Variants in SPATS2 observed in about 807,000 individuals in gnomAD.
The protein encoded by SPATS2 is spermatogenesis associated serine rich 2.
A neutral mutation model predicts 63.7 loss-of-function variants in SPATS2; 38 were observed. The ratio of observed to expected loss-of-function variants is 0.60; its 90% CI spans 0.46 to 0.78. The LOEUF (loss-of-function observed/expected upper bound fraction) is 0.78, where lower values mean the gene tolerates loss of function less well. Ranked by LOEUF, SPATS2 falls within the 30% of genes least tolerant of loss-of-function variation. The probability of loss-of-function intolerance (pLI) is 0.00; values close to 1 mark genes in which losing one functional copy is unlikely to be tolerated. For missense variants in SPATS2, 588 were observed against 666.2 expected, an observed-to-expected ratio of 0.88 and a Z score of 1.29; for synonymous variants, 207 against 232.9, an observed-to-expected ratio of 0.89 and a Z score of 1.01.
chr12:49,445,120 C>T (rs945697790), intron 2 of SPATS2, among the ~76,000 whole-genome samples: 1 of 152,100 alleles, frequency 6.6e-6, no homozygotes, highest in African/African-American at 2.4e-5. Context: ...CCTTATTGCA[C>T]TGACAAGATC....
chr12:49,394,073 A>C (rs915250330), intron 2 of SPATS2, among the ~76,000 whole-genome samples: 1 of 151,896 alleles, frequency 6.6e-6, no homozygotes, highest in Non-Finnish European at 1.5e-5. Context: ...CTGGGCTGGG[A>C]GTGGTGGCCC....
intron 3 of SPATS2, among the ~76,000 whole-genome samples, chr12:49,474,601 A>T (rs1330779707): frequency 6.6e-6 from 1 of 152,258 alleles, no homozygotes; most frequent in Non-Finnish European, 1.5e-5. Context: ...GCTATTATGT[A>T]TGAAATGAAA....
intron 2 of SPATS2, among the ~76,000 whole-genome samples, chr12:49,426,957 G>A (rs1473882312): frequency 6.6e-6 from 1 of 152,196 alleles, no homozygotes; most frequent in Non-Finnish European, 1.5e-5. Flanking sequence ...AAACATTCTT[G>A]TACATGTCTT....
At chr12:49,418,115 T>TG (rs1565711796) in intron 2 of SPATS2, among the ~76,000 whole-genome samples, 1 of 139,772 alleles carries the variant, frequency 7.2e-6, no homozygotes, top group Non-Finnish European at 1.5e-5. Context: ...TCAGTTTTTT[T>TG]TTTTTTTTTT....
At chr12:49,398,404 G>T (rs537687489) in intron 2 of SPATS2, among the ~76,000 whole-genome samples, 53 of 152,234 alleles carry the variant, frequency 3.5e-4, no homozygotes, top group South Asian at 2.7e-3. Context: ...CAGAATATTG[G>T]TGTACTCCAG....
chr12:49,411,416 GA>G (rs1944794846), intron 2 of SPATS2, among the ~76,000 whole-genome samples: 1 of 152,074 alleles, frequency 6.6e-6, no homozygotes, highest in Non-Finnish European at 1.5e-5. Flanking sequence ...AGACTTGATT[GA>G]AATGTGAAAT....
chr12:49,433,890 T>A (rs998372590), intron 2 of SPATS2, among the ~76,000 whole-genome samples: 4 of 152,226 alleles, frequency 2.6e-5, no homozygotes, highest in African/African-American at 4.8e-5. Flanking sequence ...CTTGTTTTCT[T>A]CTAGGAGTTT....
At chr12:49,450,483 A>G (rs968814550) in intron 2 of SPATS2, among the ~76,000 whole-genome samples, 1 of 151,474 alleles carries the variant, frequency 6.6e-6, no homozygotes, top group Non-Finnish European at 1.5e-5. Context: ...TGACCTCATG[A>G]TCCGCCCGCC....
At chr12:49,517,212 A>G (rs975196793) in intron 10 of SPATS2, among the ~76,000 whole-genome samples, 2 of 152,224 alleles carry the variant, frequency 1.3e-5, no homozygotes, top group African/African-American at 4.8e-5. Flanking sequence ...CTAAACCAAT[A>G]GATCATTTGT....
intron 2 of SPATS2, among the ~76,000 whole-genome samples, chr12:49,399,766 G>A (rs749574434): frequency 6.6e-6 from 1 of 152,172 alleles, no homozygotes; most frequent in Non-Finnish European, 1.5e-5. Context: ...GGCCAGGCGC[G>A]GTGGCTCATG....
intron 9 of SPATS2, among the ~76,000 whole-genome samples, chr12:49,501,919 G>A (rs1946573659): frequency 1.3e-5 from 2 of 151,958 alleles, no homozygotes; most frequent in Non-Finnish European, 2.9e-5. Flanking sequence ...GTGCCCAGCT[G>A]GTGTTAACAG....
At chr12:49,436,954 G>GA (rs1310129922) in intron 2 of SPATS2, among the ~76,000 whole-genome samples, 1 of 147,304 alleles carries the variant, frequency 6.8e-6, no homozygotes, top group Non-Finnish European at 1.5e-5. Flanking sequence ...TGGCCGGGCA[G>GA]GGGGCTAACC....
chr12:49,471,549 A>G (rs886748269), intron 3 of SPATS2, among the ~76,000 whole-genome samples: 1 of 152,126 alleles, frequency 6.6e-6, no homozygotes, highest in African/African-American at 2.4e-5. Context: ...CTAAGCAGGT[A>G]TCAAGTTTTA....
intron 3 of SPATS2, among the ~76,000 whole-genome samples, chr12:49,473,174 G>C (rs1378177637): frequency 6.6e-6 from 1 of 152,114 alleles, no homozygotes; most frequent in Non-Finnish European, 1.5e-5. Flanking sequence ...CAGCACTTTG[G>C]GAGGCCGAGA....
intron 2 of SPATS2, among the ~76,000 whole-genome samples, chr12:49,379,443 C>G (rs1177019896): frequency 7.0e-6 from 1 of 142,230 alleles, no homozygotes. Flanking sequence ...CCCAGCTACT[C>G]AGGAGGTTGA....
At chr12:49,397,050 C>T (rs551026504) in intron 2 of SPATS2, among the ~76,000 whole-genome samples, 1 of 152,266 alleles carries the variant, frequency 6.6e-6, no homozygotes, top group East Asian at 1.9e-4. Flanking sequence ...CATTTATTTC[C>T]CTAATGCCTT....
rs536039553 is a variant in SPATS2, at chr12:49,432,443, G to A, written c.-243-28327G>A. On this transcript the variant is annotated intron_variant, in intron 2 of 13. Coordinates refer to ENST00000552918, the MANE Select transcript of SPATS2 (RefSeq NM_023071.4). ...GCCAAGATAGCACCACTGCACTCCA[G>A]CCTGGGCGACAGAGTGAGACTCCGT... Among the ~76,000 whole-genome samples, 16 of 152,344 alleles carry A rather than the reference G, an allele frequency of 1.1e-4. No individual in the cohort carries two copies. The East Asian group carries it at 2.9e-3, about 28-fold the overall frequency.
intron 10 of SPATS2, among the ~76,000 whole-genome samples, chr12:49,515,334 T>G (rs1157462066): frequency 6.6e-6 from 1 of 152,204 alleles, no homozygotes; most frequent in Non-Finnish European, 1.5e-5. Flanking sequence ...GGTGGCAGGT[T>G]TTATCTTCCT....
Position 49,493,113 on chromosome 12 carries a change from AAAAAG to A in SPATS2, c.265-1624_265-1620del, listed in dbSNP as rs1368919008. Among the ~76,000 whole-genome samples the A allele has an allele frequency of 5.9e-4, 90 of 151,850 alleles. 1 individual carries two copies. Among genetic ancestry groups the A allele is most frequent in the African/African-American group, 1.7e-3 (72 of 41,432 alleles). On this transcript the variant is annotated intron_variant, in intron 6 of 13. Coordinates refer to ENST00000552918, the MANE Select transcript of SPATS2 (RefSeq NM_023071.4). ...AACTCCGTCTTTAAAAAAAAAAAAA[AAAAAG>A]AAAGAAAGAAAGATGAGAGCTGTTA...
Sources: gnomAD v4.1 joint callset for allele counts (sites outside exome capture counted in the v4.1 genomes callset) on GRCh38, gnomAD v4.1.1 for gene constraint, MANE v1.5 for transcripts, NCBI Gene and HGNC (gene_info 2026-07-23, HGNC 2026-07-21) for gene names.